Variants in ELAVL4 observed in about 807,000 individuals in gnomAD.
The protein encoded by ELAVL4 is ELAV-like protein 4.
In ELAVL4, 1 loss-of-function variant was observed where a neutral mutation model predicts 35.6. The observed-to-expected ratio is 0.03, with a 90% CI of 0.01 to 0.13. The LOEUF (loss-of-function observed/expected upper bound fraction) is 0.13, where lower values mean the gene tolerates loss of function less well. ELAVL4 is among the 10% of genes least tolerant of loss of function. ELAVL4 has a pLI of 1.00. For synonymous variants in ELAVL4, 156 were observed against 171.0 expected (o/e 0.91, Z 0.69); for missense variants, 267 against 464.9 (o/e 0.57, Z 3.91).
chr1:50,056,373 C>T (rs972100071), intron 1 of ELAVL4, among the ~76,000 whole-genome samples: 5 of 152,152 alleles, frequency 3.3e-5, no homozygotes, highest in African/African-American at 9.7e-5. Flanking sequence ...AGGTCAACAA[C>T]GAAGTTCATT....
At chr1:50,061,961 C>T (rs557803664) in intron 1 of ELAVL4, among the ~76,000 whole-genome samples, 6 of 152,298 alleles carry the variant, frequency 3.9e-5, no homozygotes, top group East Asian at 1.9e-4. Flanking sequence ...CCAACTAATA[C>T]GGATAAGTAT....
At chr1:50,132,884 C>T (rs924709774) in intron 1 of ELAVL4, among the ~76,000 whole-genome samples, 6 of 152,128 alleles carry the variant, frequency 3.9e-5, no homozygotes, top group African/African-American at 1.4e-4. Flanking sequence ...TAACAATCAC[C>T]TGTAATTCTG....
chr1:50,086,880 C>T (rs973961303), intron 1 of ELAVL4, among the ~76,000 whole-genome samples: 1 of 152,070 alleles, frequency 6.6e-6, no homozygotes, highest in Non-Finnish European at 1.5e-5. Flanking sequence ...AGTGCATTCT[C>T]TCGGGGACTC....
chr1:50,075,166 A>G (rs1664704052), intron 1 of ELAVL4, among the ~76,000 whole-genome samples: 2 of 152,174 alleles, frequency 1.3e-5, no homozygotes, highest in South Asian at 4.1e-4. Context: ...TAGGGCAGCC[A>G]TGTTTAAGAC....
At position 50,076,579 on chromosome 1, in the gene ELAVL4, A is replaced by G. The variant is rs79824128; in HGVS notation, c.18+28397A>G. On this transcript the variant is annotated intron_variant, in intron 1 of 6. Coordinates refer to the ELAVL4 transcript ENST00000448907. ...ACATATACCCAGTGGAGAAGAGGGA[A>G]CTACTGTAGTGTGAGCAGGCTTGCA... is the stretch of plus-strand genomic sequence containing the variant. Among the ~76,000 whole-genome samples the G allele has an allele frequency of 5.1e-4, 78 of 152,296 alleles. No individual in the cohort carries two copies. The East Asian group carries it at 0.015, about 29-fold the overall frequency.
intron 1 of ELAVL4, among the ~76,000 whole-genome samples, chr1:50,053,648 C>A (rs149039760): frequency 1.3e-5 from 2 of 152,184 alleles, no homozygotes; most frequent in African/African-American, 2.4e-5. Context: ...TTGATAGATT[C>A]AGTGAATGTT....
At chr1:50,063,858 T>G (rs1664127586) in intron 1 of ELAVL4, among the ~76,000 whole-genome samples, 2 of 152,216 alleles carry the variant, frequency 1.3e-5, no homozygotes, top group Non-Finnish European at 2.9e-5. Context: ...TCATCTAGCT[T>G]CAGGCCCACT....
At chr1:50,096,674 A>G (rs1665730425) in intron 1 of ELAVL4, among the ~76,000 whole-genome samples, 2 of 152,266 alleles carry the variant, frequency 1.3e-5, no homozygotes, top group Admixed American at 6.5e-5. Context: ...AAACAATTTC[A>G]TGTTTCAACC....
At chr1:50,122,201 A>G (rs991503041) in intron 1 of ELAVL4, among the ~76,000 whole-genome samples, 2 of 151,916 alleles carry the variant, frequency 1.3e-5, no homozygotes, top group African/African-American at 4.8e-5. Context: ...ATGAAAATGT[A>G]TTAAAGTGCC....
chr1:50,118,505 A>G (rs1211467045), intron 1 of ELAVL4, among the ~76,000 whole-genome samples: 2 of 46,490 alleles, frequency 4.3e-5, no homozygotes, highest in African/African-American at 3.9e-4. Context: ...AAAAAAAAAG[A>G]GAGAGAGAGA....
chr1:50,094,568 T>G lies in ELAVL4; in HGVS notation c.18+46386T>G, dbSNP rs972119233. On this transcript the variant is annotated intron_variant, in intron 1 of 6. Transcript: ENST00000448907. ...TTTGTGAAACCTGTGTTGTCAAACT[T>G]GAGTGTTTCCATTGTTAATTGTTGT... 4.6e-5 allele frequency among the ~76,000 whole-genome samples: 7 copies of G among 152,258 alleles called. No homozygotes were observed. The South Asian group carries it at 8.3e-4, about 18-fold the overall frequency.
At chr1:50,077,991 A>G (rs1023174371) in intron 1 of ELAVL4, among the ~76,000 whole-genome samples, 2 of 152,148 alleles carry the variant, frequency 1.3e-5, no homozygotes, top group African/African-American at 2.4e-5. Context: ...TCACTAGCCT[A>G]CATGACCTTG....
chr1:50,187,876 A>T (rs1460094871), intron 3 of ELAVL4, among the ~76,000 whole-genome samples: 6 of 152,166 alleles, frequency 3.9e-5, no homozygotes, highest in African/African-American at 1.2e-4. Context: ...CGAGCAGATC[A>T]TCTGAGGTCA....
chr1:50,113,449 C>T lies in ELAVL4; in HGVS notation c.9+4251C>T, dbSNP rs574001556. ...CTTCATAGAGGTCATCATACATAGA[C>T]GAAAGTACTTTGGCCTTGACAAATT... On this transcript the variant is annotated intron_variant, in intron 1 of 6. Coordinates refer to ENST00000371824, the MANE Select transcript of ELAVL4 (RefSeq NM_001144774.3). 7.9e-5 allele frequency among the ~76,000 whole-genome samples: 12 copies of T among 152,158 alleles called. No individual in the cohort carries two copies. The East Asian group carries it at 1.4e-3, about 17-fold the overall frequency.
chr1:50,182,882 T>TA (rs1035630044), intron 3 of ELAVL4, among the ~76,000 whole-genome samples: 1 of 151,106 alleles, frequency 6.6e-6, no homozygotes, highest in Non-Finnish European at 1.5e-5. Context: ...TTTTTTTTTT[T>TA]AAATTAAGAC....
chr1:50,123,295 C>T (rs1669332796), intron 1 of ELAVL4, among the ~76,000 whole-genome samples: 2 of 151,938 alleles, frequency 1.3e-5, no homozygotes, highest in African/African-American at 4.8e-5. Flanking sequence ...CAAATATTTA[C>T]CAAGTGGCTC....
At chr1:50,068,563 T>C (rs1013474379) in intron 1 of ELAVL4, among the ~76,000 whole-genome samples, 1 of 152,206 alleles carries the variant, frequency 6.6e-6, no homozygotes, top group African/African-American at 2.4e-5. Flanking sequence ...TGTCAAATCC[T>C]TGTCATCTGC....
intron 2 of ELAVL4, among the ~76,000 whole-genome samples, chr1:50,173,366 G>T (rs1009642153): frequency 6.6e-6 from 1 of 152,186 alleles, no homozygotes; most frequent in Non-Finnish European, 1.5e-5. Context: ...ACAAAAACCT[G>T]TTTAATTCAA....
chr1:50,178,527 C>T (rs1315161026), intron 3 of ELAVL4, among the ~76,000 whole-genome samples: 3 of 151,996 alleles, frequency 2.0e-5, no homozygotes, highest in Non-Finnish European at 2.9e-5. Flanking sequence ...GATTGCTTTC[C>T]CTGATCTCAT....
Sources: gnomAD v4.1 joint callset for allele counts (sites outside exome capture counted in the v4.1 genomes callset) on GRCh38, gnomAD v4.1.1 for gene constraint, MANE v1.5 for transcripts, NCBI Gene and HGNC (gene_info 2026-07-23, HGNC 2026-07-21) for gene names.